The following OGDHL variants were observed in gnomAD, a reference collection of about 807,000 sequenced individuals.
OGDHL encodes the protein oxoglutarate dehydrogenase L.
A neutral mutation model predicts 109.6 loss-of-function variants in OGDHL; 79 were observed. That is an observed-to-expected ratio of 0.72 (90% CI 0.60 to 0.87). OGDHL has a LOEUF of 0.87. Ranked by LOEUF, OGDHL falls within the 40% of genes least tolerant of loss-of-function variation. The pLI, the probability that OGDHL is intolerant of heterozygous loss-of-function variation, is 0.00. For missense variants in OGDHL, 1,275 were observed against 1,362.2 expected (o/e 0.94, Z 1.01); for synonymous variants, 528 against 537.2 (o/e 0.98, Z 0.24).
rs371864270 is a variant in OGDHL at position 49,745,534 on chromosome 10, C to T, written c.1477-38G>A. On this transcript the variant is annotated intron_variant, in intron 11 of 22. Transcript: ENST00000374103. ...CCAGAGGGGCTCAGGCCCTTCCCTA[C>T]GCTGTGTGGTCAATGTAGCTGCTGC... is the stretch of plus-strand genomic sequence containing the variant. 86 of 1,610,652 alleles carry T rather than the reference C, an allele frequency of 5.3e-5. 1 individual carries two copies. In the East Asian group the frequency reaches 7.4e-4, roughly 14 times the overall value.
Position 49,740,605 on chromosome 10 carries a change from A to G in OGDHL, c.2140+105T>C, listed in dbSNP as rs77418733. ...CAGGGCCATCCCCTAAGGGCCTCTG[A>G]GCATCTCTCGCCCCTCCCAGGCCCT... is the stretch of plus-strand genomic sequence containing the variant. On this transcript the variant is annotated intron_variant, in intron 16 of 22. Coordinates refer to ENST00000374103, the MANE Select transcript of OGDHL (RefSeq NM_018245.3). 1,064 of 1,385,000 alleles carry G rather than the reference A, an allele frequency of 7.7e-4. 4 individuals are homozygous for G. The African/African-American group carries it at 0.012, about 16-fold the overall frequency. The allele number at this position is 1,385,000 out of a possible 1,614,324, so 85.8% of individuals were successfully genotyped here.
chr10:49,759,910 A>G (rs1843163757), intron 1 of OGDHL, among the ~76,000 whole-genome samples: 1 of 152,230 alleles, frequency 6.6e-6, no homozygotes, highest in South Asian at 2.1e-4. Context: ...TGCCCAGGCC[A>G]GGCCCTGAGC....
chr10:49,758,391 T>C lies in OGDHL; in HGVS notation c.202A>G (p.Lys68Glu), dbSNP rs764609636. 5.0e-6 allele frequency: 8 copies of C among 1,609,022 alleles called. No homozygotes were observed. In the Admixed American group the frequency reaches 1.2e-4, roughly 24 times the overall value. ...CAGGGTAGGGTGGGGATGCTGACCT[T>C]GTGGACACTCTGGGGGTTTTCCAAC... is the stretch of plus-strand genomic sequence containing the variant. Reference protein sequence around the residue: ...AWLENPQSVHKSWDSFFREAS... With the variant: ...AWLENPQSVHESWDSFFREAS... Residue 68 changes from lysine to glutamate, a missense_variant and splice_region_variant, in exon 2 of 23, where the codon AAG becomes GAG. Physicochemically the swap from Lys to Glu is moderately conservative, Grantham distance 56. Transcript: ENST00000374103.
intron 3 of OGDHL, among the ~76,000 whole-genome samples, chr10:49,755,615 G>A (rs368704216): frequency 2.0e-5 from 3 of 151,964 alleles, no homozygotes; most frequent in African/African-American, 7.3e-5. Flanking sequence ...CCTGCTACTC[G>A]CCTGTAAGGG....
At chr10:49,739,869 C>CT (rs1841515745) in intron 16 of OGDHL, 30 bp from the exon 17 acceptor site, 1 of 1,599,490 alleles carries the variant, frequency 6.3e-7, no homozygotes, top group African/African-American at 1.3e-5. Flanking sequence ...GAGCTTGCTG[C>CT]ACACAGTCAC....
rs765394414 is a variant in OGDHL, at chr10:49,749,765, G to C, written c.948C>G (p.Ile316Met). 6.2e-7 allele frequency: 1 copy of C among 1,601,310 alleles called. No individual in the cohort carries two copies. The highest frequency in any genetic ancestry group is 1.1e-5 in the South Asian group (1 of 89,276). Residue 316 changes from isoleucine to methionine, a missense_variant, in exon 8 of 23, where the codon ATC (isoleucine) becomes ATG (methionine). Coordinates refer to ENST00000374103, the MANE Select transcript of OGDHL (RefSeq NM_018245.3). ...ANVIRKDLEQIFCQFDPKLEA... is the reference protein window; with the variant it reads ...ANVIRKDLEQMFCQFDPKLEA... ...CCAGCTTGGGGTCAAACTGGCAGAA[G>C]ATCTGCTCCAGGTCCTTGCGGATCA...
At chr10:49,752,010 G>C (rs549414665) in intron 5 of OGDHL, 29 bp from the exon 6 acceptor site, 3 of 1,613,548 alleles carry the variant, frequency 1.9e-6, no homozygotes, top group Admixed American at 3.3e-5. Context: ...ACCCCATGAG[G>C]AGCGGGGAAG....
At position 49,735,363 on chromosome 10, in the gene OGDHL, G is replaced by A. The variant is rs144089194; in HGVS notation, c.2910-12C>T. 7.0e-4 allele frequency: 1,127 copies of A among 1,611,486 alleles called. 35 individuals carry two copies. The East Asian group carries it at 0.024, about 35-fold the overall frequency. On this transcript the variant is annotated splice_polypyrimidine_tract_variant and intron_variant, in intron 22 of 22. Transcript: ENST00000374103. ...CCCGGCCAACATACCTGGAGGAGGA[G>A]AGACAAGCTAAGGGGAAGGCGGGGC...
intron 15 of OGDHL, among the ~76,000 whole-genome samples, chr10:49,742,512 T>C (rs1246940522): frequency 3.2e-3 from 112 of 35,444 alleles, no homozygotes; most frequent in East Asian, 3.8e-3. Flanking sequence ...ACACACCACA[T>C]ACACACCAAA....
chr10:49,752,329 A>C, intron 4 of OGDHL, 81 bp from the exon 5 acceptor site: 1 of 1,045,932 alleles, frequency 9.6e-7, no homozygotes, highest in Non-Finnish European at 1.5e-6. Flanking sequence ...CCGCAGTCTC[A>C]CCAGACCTCC....
At chr10:49,743,795 G>A in intron 14 of OGDHL, 199 bp downstream of exon 14, 1 of 557,714 alleles carries the variant, frequency 1.8e-6, no homozygotes, top group African/African-American at 1.9e-5. Context: ...GGCATCTGGA[G>A]CTGCCCAGCT....
At position 49,734,752 on chromosome 10, in the gene OGDHL, A is replaced by G. The variant is rs539509792; in HGVS notation, c.*476T>C. The stretch of plus-strand genomic sequence containing the variant: ...GACACATCTCGCAGGAATGCCCCAT[A>G]AAACAGAGCGCAAACAAATCACCCA... On this transcript the variant is annotated 3_prime_UTR_variant, in exon 23 of 23. Coordinates refer to ENST00000374103, the MANE Select transcript of OGDHL (RefSeq NM_018245.3). 106 of 153,138 alleles carry G rather than the reference A, an allele frequency of 6.9e-4. 2 individuals are homozygous for G. The Middle Eastern group carries it at 0.017, about 25-fold the overall frequency. 9.5% of individuals were successfully genotyped at this position (153,138 alleles called of 1,614,324 possible).
intron 1 of OGDHL, 55 bp from the exon 2 acceptor site, chr10:49,758,648 G>A (rs1396341823): frequency 1.3e-6 from 2 of 1,548,884 alleles, no homozygotes; most frequent in South Asian, 2.3e-5. Context: ...ACAGGAAGAG[G>A]CTCTACCAAG....
Position 49,737,976 on chromosome 10 carries a change from G to T in OGDHL, c.2488C>A (p.Arg830=). 1 of 1,614,152 alleles carries T rather than the reference G, an allele frequency of 6.2e-7. No homozygotes were observed. Among genetic ancestry groups the T allele is most frequent in the Non-Finnish European group, 8.5e-7 (1 of 1,180,022 alleles). ...TPANYFHVLR[R]QILLPFRKPL... is the part of the protein sequence containing the mutation. ...TTGCGGAAGGGCAGCAGGATCTGCC[G>T]GCGCAGCACGTGGAAGTAGTTGGCC... The change falls in exon 19 of 23, where the codon CGG becomes AGG. Residue 830 remains arginine, a synonymous_variant. Transcript: ENST00000374103.
At chr10:49,754,113 T>G (rs897489022) in intron 3 of OGDHL, among the ~76,000 whole-genome samples, 1 of 152,144 alleles carries the variant, frequency 6.6e-6, no homozygotes. Flanking sequence ...CTCTGATTCC[T>G]GAAAGGGCCC....
intron 8 of OGDHL, among the ~76,000 whole-genome samples, chr10:49,749,193 G>C (rs1465465620): frequency 6.6e-6 from 1 of 152,080 alleles, no homozygotes; most frequent in Non-Finnish European, 1.5e-5. Flanking sequence ...TGGGCAACAA[G>C]AGCAAAACCC....
At chr10:49,750,538 C>G (rs1842514595) in intron 7 of OGDHL, among the ~76,000 whole-genome samples, 1 of 152,200 alleles carries the variant, frequency 6.6e-6, no homozygotes, top group Admixed American at 6.5e-5. Flanking sequence ...TCCACAGGAA[C>G]CTCAAGAAGT....
intron 16 of OGDHL, among the ~76,000 whole-genome samples, chr10:49,740,296 C>T (rs1216889798): frequency 6.6e-6 from 1 of 152,016 alleles, no homozygotes; most frequent in Non-Finnish European, 1.5e-5. Flanking sequence ...AAGCCCAGAG[C>T]CCAGAGAAGG....
chr10:49,755,777 A>G (rs1842879422), intron 3 of OGDHL, among the ~76,000 whole-genome samples: 1 of 152,258 alleles, frequency 6.6e-6, no homozygotes, highest in East Asian at 1.9e-4. Context: ...ATCTGTGCTT[A>G]GAAGATAAGG....
Sources: allele counts gnomAD v4.1 joint callset (sites outside exome capture counted in the v4.1 genomes callset), GRCh38; gene constraint gnomAD v4.1.1; transcripts MANE v1.5; gene names NCBI Gene and HGNC (gene_info 2026-07-23, HGNC 2026-07-21).